Variants in GMDS observed in about 807,000 individuals in gnomAD.
GMDS encodes the protein GDP-mannose 4,6-dehydratase.
In GMDS, 20 loss-of-function variants were observed where a neutral mutation model predicts 49.9. The observed-to-expected ratio is 0.40, with a 90% CI of 0.28 to 0.58. GMDS has a LOEUF of 0.58. GMDS is among the 20% of genes least tolerant of loss of function. The pLI is 0.42. For synonymous variants in GMDS, 177 were observed against 178.6 expected, an observed-to-expected ratio of 0.99 and a Z score of 0.07; for missense variants, 362 against 481.4, an observed-to-expected ratio of 0.75 and a Z score of 2.32.
intron 4 of GMDS, among the ~76,000 whole-genome samples, chr6:2,114,188 T>C (rs1341790686): frequency 1.1e-4 from 17 of 152,214 alleles, no homozygotes; most frequent in Non-Finnish European, 4.4e-5. Context: ...CATCTTTCAT[T>C]ACAATTTTCA....
chr6:1,762,788 T>G (rs1216661229), intron 7 of GMDS, among the ~76,000 whole-genome samples: 1 of 152,250 alleles, frequency 6.6e-6, no homozygotes, highest in Non-Finnish European at 1.5e-5. Context: ...CAGTGTATTG[T>G]GGTTATTATT....
At chr6:1,955,803 G>C (rs1008855263) in intron 6 of GMDS, among the ~76,000 whole-genome samples, 4 of 151,952 alleles carry the variant, frequency 2.6e-5, no homozygotes, top group African/African-American at 9.7e-5. Flanking sequence ...AACCAAAAAT[G>C]GTTGGGATGG....
intron 1 of GMDS, among the ~76,000 whole-genome samples, chr6:2,146,389 G>A (rs1470118230): frequency 6.6e-6 from 1 of 152,184 alleles, no homozygotes; most frequent in Non-Finnish European, 1.5e-5. Flanking sequence ...CAGGGCAAGA[G>A]GAAGGAAGAC....
chr6:2,118,031 C>G (rs1182863599), intron 2 of GMDS, among the ~76,000 whole-genome samples: 1 of 152,198 alleles, frequency 6.6e-6, no homozygotes, highest in African/African-American at 2.4e-5. Flanking sequence ...CCACAGACAT[C>G]ATCAGAGAGC....
intron 9 of GMDS, among the ~76,000 whole-genome samples, chr6:1,644,917 T>C (rs1374167694): frequency 6.6e-6 from 1 of 151,054 alleles, no homozygotes; most frequent in Non-Finnish European, 1.5e-5. Flanking sequence ...AGGATGAGAT[T>C]CAGACTCTGG....
intron 4 of GMDS, among the ~76,000 whole-genome samples, chr6:2,114,167 A>G (rs2127498187): frequency 6.6e-6 from 1 of 152,332 alleles, no homozygotes; most frequent in South Asian, 2.1e-4. Context: ...AACCTTTATA[A>G]AAATTTTCTG....
intron 7 of GMDS, among the ~76,000 whole-genome samples, chr6:1,918,202 C>T (rs749307541): frequency 3.3e-5 from 5 of 152,008 alleles, no homozygotes; most frequent in Non-Finnish European, 7.4e-5. Flanking sequence ...ATAGAGCCCT[C>T]CTTGGAACTC....
intron 7 of GMDS, among the ~76,000 whole-genome samples, chr6:1,909,414 T>C (rs1760937357): frequency 6.6e-6 from 1 of 152,230 alleles, no homozygotes; most frequent in South Asian, 2.1e-4. Context: ...ACTATGTTCT[T>C]TGGTTAATCC....
At chr6:1,684,998 C>T (rs1157887376) in intron 9 of GMDS, among the ~76,000 whole-genome samples, 2 of 145,938 alleles carry the variant, frequency 1.4e-5, no homozygotes, top group African/African-American at 5.2e-5. Flanking sequence ...TGACACAAAA[C>T]TGCTCCCTCT....
chr6:1,810,181 G>A (rs1037925900), intron 7 of GMDS, among the ~76,000 whole-genome samples: 6 of 152,200 alleles, frequency 3.9e-5, no homozygotes, highest in African/African-American at 1.4e-4. Flanking sequence ...GTCACTGTGT[G>A]CTGTCACAGA....
chr6:2,124,840 C>G, intron 1 of GMDS, 109 bp from the exon 2 acceptor site: 1 of 736,496 alleles, frequency 1.4e-6, no homozygotes, highest in Admixed American at 2.2e-5. Context: ...AACTTAAGGA[C>G]AATGGCAACC....
At chr6:1,753,677 AAC>A (rs1767825495) in intron 7 of GMDS, among the ~76,000 whole-genome samples, 1 of 152,230 alleles carries the variant, frequency 6.6e-6, no homozygotes, top group Non-Finnish European at 1.5e-5. Context: ...TGGAAATCAT[AAC>A]AGTCTCTCAG....
At chr6:1,987,193 G>T (rs1765603066) in intron 4 of GMDS, among the ~76,000 whole-genome samples, 1 of 152,148 alleles carries the variant, frequency 6.6e-6, no homozygotes, top group Non-Finnish European at 1.5e-5. Flanking sequence ...GATGTAAAAA[G>T]ATAGCCCATT....
At chr6:1,840,701 C>T (rs886414934) in intron 7 of GMDS, among the ~76,000 whole-genome samples, 10 of 152,090 alleles carry the variant, frequency 6.6e-5, no homozygotes, top group African/African-American at 2.4e-4. Flanking sequence ...GAGTGGAGAC[C>T]GGGCTCTGGT....
At chr6:2,206,376 A>T (rs1779807916) in intron 1 of GMDS, among the ~76,000 whole-genome samples, 2 of 151,862 alleles carry the variant, frequency 1.3e-5, no homozygotes, top group African/African-American at 2.4e-5. Flanking sequence ...GTGTGGTCAG[A>T]CTCCAGGGGT....
Position 2,185,963 on chromosome 6 carries a change from C to T in GMDS, c.102+59358G>A, listed in dbSNP as rs544745614. ...ACAAATGAGAAAACTGAGAACCACGCGTTTAGTAATAATTCTCAAAAAATA... is the reference window on the plus strand; with the variant it reads ...ACAAATGAGAAAACTGAGAACCACGTGTTTAGTAATAATTCTCAAAAAATA... On this transcript the variant is annotated intron_variant, in intron 1 of 10. Coordinates refer to ENST00000380815, the MANE Select transcript of GMDS (RefSeq NM_001500.4). Among the ~76,000 whole-genome samples, 19 of 152,066 alleles carry T rather than the reference C, an allele frequency of 1.2e-4. No homozygotes were observed. The East Asian group carries it at 3.3e-3, about 26-fold the overall frequency.
At chr6:1,830,905 C>A (rs1756606037) in intron 7 of GMDS, among the ~76,000 whole-genome samples, 1 of 152,204 alleles carries the variant, frequency 6.6e-6, no homozygotes, top group African/African-American at 2.4e-5. Context: ...TGTACCCAAA[C>A]ACTTCAGAAA....
chr6:1,930,002 G>A, intron 7 of GMDS, 101 bp downstream of exon 7: 1 of 1,059,016 alleles, frequency 9.4e-7, no homozygotes, highest in South Asian at 1.6e-5. Flanking sequence ...GCAAAGGTTT[G>A]TATGCCCCCA....
chr6:1,968,702 A>C (rs1011624630), intron 4 of GMDS, among the ~76,000 whole-genome samples: 1 of 152,098 alleles, frequency 6.6e-6, no homozygotes, highest in African/African-American at 2.4e-5. Context: ...CATCTCCCTC[A>C]TATTTCCTCC....
Sources: allele counts gnomAD v4.1 joint callset (sites outside exome capture counted in the v4.1 genomes callset), GRCh38; gene constraint gnomAD v4.1.1; transcripts MANE v1.5; gene names NCBI Gene and HGNC (gene_info 2026-07-23, HGNC 2026-07-21).